Variants in ABI3BP observed in about 807,000 individuals in gnomAD.
ABI3BP encodes the protein target of Nesh-SH3.
A neutral mutation model predicts 268.6 loss-of-function variants in ABI3BP; 216 were observed. The ratio of observed to expected loss-of-function variants is 0.80; its 90% CI spans 0.72 to 0.90. The LOEUF is 0.90. Among genes scored for constraint, ABI3BP ranks in the 40% least tolerant of loss-of-function variants. The pLI is 0.00. For synonymous variants in ABI3BP, 730 were observed against 730.0 expected (o/e 1.00, Z 0.00); for missense variants, 2,090 against 2,182.4 (o/e 0.96, Z 0.84).
In ABI3BP at chr3:100,749,699, C is replaced by T; in HGVS notation, c.*796G>A. On this transcript the variant is annotated 3_prime_UTR_variant, in exon 68 of 68. Transcript: ENST00000471714. ...GCTCAGACTTGACTTCACATTCAGT[C>T]TCTACATACAGCTTGATTAGAATCA... 2.5e-6 allele frequency: 1 copy of T among 398,468 alleles called. No homozygotes were observed. The highest frequency in any genetic ancestry group is 4.4e-6 in the Non-Finnish European group (1 of 225,806). The allele number at this position is 398,468 out of a possible 1,614,324, so 24.7% of individuals were successfully genotyped here.
chr3:100,828,317 G>C, intron 34 of ABI3BP, 76 bp downstream of exon 34: 1 of 1,346,218 alleles, frequency 7.4e-7, no homozygotes, highest in Non-Finnish European at 1.0e-6. Flanking sequence ...AAATGTAATT[G>C]AATGGCAATA....
chr3:100,842,691 A>G (rs1007876439), intron 20 of ABI3BP, among the ~76,000 whole-genome samples: 7 of 152,192 alleles, frequency 4.6e-5, no homozygotes, highest in Non-Finnish European at 1.0e-4. Flanking sequence ...ATTCTGATAA[A>G]CTTTCCAATG....
chr3:100,908,182 A>G (rs2054444736), intron 2 of ABI3BP, among the ~76,000 whole-genome samples: 1 of 152,152 alleles, frequency 6.6e-6, no homozygotes, highest in African/African-American at 2.4e-5. Flanking sequence ...AAGTCATTTG[A>G]AAGAAATGCT....
chr3:100,875,859 C>T (rs1184340254), intron 7 of ABI3BP, among the ~76,000 whole-genome samples: 6 of 152,090 alleles, frequency 3.9e-5, no homozygotes, highest in Non-Finnish European at 7.4e-5. Context: ...TGAAGCTTTC[C>T]TTTTCCCCAA....
At chr3:100,889,364 T>C (rs2043431854) in intron 4 of ABI3BP, among the ~76,000 whole-genome samples, 1 of 152,116 alleles carries the variant, frequency 6.6e-6, no homozygotes, top group Admixed American at 6.6e-5. Context: ...ACTGGACTCT[T>C]TCAACTGTGG....
At chr3:100,944,891 C>G (rs907273413) in intron 1 of ABI3BP, among the ~76,000 whole-genome samples, 3 of 152,114 alleles carry the variant, frequency 2.0e-5, no homozygotes, top group Admixed American at 6.6e-5. Flanking sequence ...TCAGGAGGCT[C>G]TAAGAAAGGC....
At chr3:100,976,457 C>T (rs1399590307) in intron 1 of ABI3BP, among the ~76,000 whole-genome samples, 2 of 152,126 alleles carry the variant, frequency 1.3e-5, no homozygotes, top group African/African-American at 4.8e-5. Context: ...AGCTGTATTC[C>T]TTCCTCAGTT....
At chr3:100,870,305 G>T (rs774580682) in intron 9 of ABI3BP, among the ~76,000 whole-genome samples, 3 of 151,890 alleles carry the variant, frequency 2.0e-5, no homozygotes, top group Non-Finnish European at 2.9e-5. Flanking sequence ...AGTATATAAG[G>T]AACTTACACA....
chr3:100,804,938 T>A (rs1041624905), intron 50 of ABI3BP, 72 bp from the exon 51 acceptor site: 3 of 1,249,746 alleles, frequency 2.4e-6, no homozygotes, highest in Non-Finnish European at 3.5e-6. Flanking sequence ...ACATAAGACA[T>A]GTCAAGGTGT....
intron 57 of ABI3BP, among the ~76,000 whole-genome samples, chr3:100,785,304 G>A (rs905933486): frequency 5.3e-5 from 8 of 152,156 alleles, no homozygotes; most frequent in African/African-American, 1.7e-4. Flanking sequence ...GGATGAGACA[G>A]TAGAATTGTG....
chr3:100,944,689 G>A (rs933720138), intron 1 of ABI3BP, among the ~76,000 whole-genome samples: 2 of 152,122 alleles, frequency 1.3e-5, no homozygotes, highest in Non-Finnish European at 2.9e-5. Flanking sequence ...TCTTTGCTTA[G>A]ACATTTGGCA....
intron 1 of ABI3BP, among the ~76,000 whole-genome samples, chr3:100,948,609 C>T (rs2073577586): frequency 6.6e-6 from 1 of 152,130 alleles, no homozygotes; most frequent in African/African-American, 2.4e-5. Context: ...CTGTCTTTCC[C>T]AAATCACTCA....
intron 43 of ABI3BP, 177 bp downstream of exon 43, chr3:100,816,511 A>T: frequency 1.4e-6 from 1 of 692,128 alleles, no homozygotes. Flanking sequence ...GCTCCAAGCC[A>T]TGTTCTCCTG....
At chr3:100,950,826 G>A (rs2074644041) in intron 1 of ABI3BP, among the ~76,000 whole-genome samples, 1 of 151,690 alleles carries the variant, frequency 6.6e-6, no homozygotes, top group Non-Finnish European at 1.5e-5. Flanking sequence ...TGATCTCTGT[G>A]GTGTCCATCC....
At chr3:100,759,926 CAG>C (rs2149487299) in intron 63 of ABI3BP, among the ~76,000 whole-genome samples, 1 of 152,300 alleles carries the variant, frequency 6.6e-6, no homozygotes, top group Admixed American at 6.5e-5. Context: ...ACAGAATATG[CAG>C]AGACTAGAAT....
Position 100,812,521 on chromosome 3 carries a change from A to G in ABI3BP, c.3367T>C (p.Ser1123Pro). The change falls in exon 46 of 68, where the codon TCT becomes CCT. Residue 1123 changes from serine (S) to proline (P), a missense_variant and splice_region_variant. Coordinates refer to ENST00000471714, the MANE Select transcript of ABI3BP (RefSeq NM_001375547.2). ...AGTGTAACCGATTCCAGAACATCAG[A>G]AACTAGTAAAAAACAGAAAATGGTA... ...SLEMTESQPV[S>P]DVLESVTLST... The G allele has an allele frequency of 7.5e-7, 1 of 1,329,178 alleles. No homozygotes were observed. The highest frequency in any genetic ancestry group is 9.6e-7 in the Non-Finnish European group (1 of 1,040,296). The allele number at this position is 1,329,178 out of a possible 1,614,324, so 82.3% of individuals were successfully genotyped here. A position where few individuals can be genotyped will look rare whatever the true frequency, so the allele number is the denominator to read the frequency against.
intron 1 of ABI3BP, among the ~76,000 whole-genome samples, chr3:100,983,642 G>C (rs1047397843): frequency 6.6e-6 from 1 of 152,102 alleles, no homozygotes; most frequent in African/African-American, 2.4e-5. Flanking sequence ...AATGACTTTT[G>C]CGTGGCCAAG....
intron 5 of ABI3BP, 46 bp downstream of exon 5, chr3:100,886,096 A>G: frequency 6.8e-7 from 1 of 1,464,012 alleles, no homozygotes; most frequent in Non-Finnish European, 9.1e-7. Flanking sequence ...GTAACTAAGA[A>G]AAAAATTATA....
intron 54 of ABI3BP, among the ~76,000 whole-genome samples, chr3:100,793,038 T>A (rs568160487): frequency 6.6e-6 from 1 of 152,022 alleles, no homozygotes; most frequent in Admixed American, 6.6e-5. Context: ...AATCTAGTTG[T>A]GGCTATTCTT....
Sources: gnomAD v4.1 joint callset for allele counts (sites outside exome capture counted in the v4.1 genomes callset) on GRCh38, gnomAD v4.1.1 for gene constraint, MANE v1.5 for transcripts, NCBI Gene and HGNC (gene_info 2026-07-23, HGNC 2026-07-21) for gene names.